Variants in GALNT2 observed in about 807,000 individuals in gnomAD.
GALNT2 encodes the protein polypeptide N-acetylgalactosaminyltransferase 2.
GALNT2 carries 31 observed loss-of-function variants against 81.4 expected under a neutral mutation model. The observed-to-expected ratio is 0.38, with a 90% CI of 0.29 to 0.51. GALNT2 has a LOEUF of 0.51. Among genes scored for constraint, GALNT2 ranks in the 20% least tolerant of loss-of-function variants. The pLI is 0.87. For missense variants in GALNT2, 629 were observed against 765.7 expected, an observed-to-expected ratio of 0.82 and a Z score of 2.11; for synonymous variants, 303 against 287.4, an observed-to-expected ratio of 1.05 and a Z score of -0.55.
At position 230,268,801 on chromosome 1, in the gene GALNT2, T is replaced by C. The variant is rs889016825; in HGVS notation, c.1440+3434T>C. Among the ~76,000 whole-genome samples the C allele has an allele frequency of 4.6e-5, 7 of 152,286 alleles. No homozygotes were observed. In the South Asian group the frequency reaches 6.2e-4, roughly 14 times the overall value. On this transcript the variant is annotated intron_variant, in intron 14 of 15. Coordinates refer to ENST00000366672, the MANE Select transcript of GALNT2 (RefSeq NM_004481.5). ...AGCCTGTGTCCCGCCTTCAGGGCTG[T>C]GGCCCTCACCCCCCGGTCCTGCCCA...
Position 230,280,230 on chromosome 1 carries a change from G to A in GALNT2, c.*772G>A, listed in dbSNP as rs994456903. On this transcript the variant is annotated 3_prime_UTR_variant, in exon 16 of 16. Coordinates refer to ENST00000366672, the MANE Select transcript of GALNT2 (RefSeq NM_004481.5). ...AGGTGGCCTTTGTCCCCTGGAGCCC[G>A]ATCAGCCAGTTGGTGCTACTGCTGT... 12 of 346,210 alleles carry A rather than the reference G, an allele frequency of 3.5e-5. No individual in the cohort carries two copies. Among genetic ancestry groups the A allele is most frequent in the Non-Finnish European group, 5.1e-5 (9 of 175,500 alleles). 21.4% of individuals were successfully genotyped at this position (346,210 alleles called of 1,614,324 possible). A position where few individuals can be genotyped will look rare whatever the true frequency, so the allele number is the denominator to read the frequency against.
intron 1 of GALNT2, among the ~76,000 whole-genome samples, chr1:230,100,545 C>T (rs964694114): frequency 2.0e-4 from 30 of 152,222 alleles, no homozygotes; most frequent in Middle Eastern, 6.8e-3. Context: ...AGGCTGGTCT[C>T]GAACTCGCCA....
chr1:230,189,786 G>A (rs920630792), intron 2 of GALNT2, among the ~76,000 whole-genome samples: 4 of 152,218 alleles, frequency 2.6e-5, no homozygotes, highest in Non-Finnish European at 5.9e-5. Context: ...AATGGAAACT[G>A]TACCCATGTA....
chr1:230,144,571 G>A (rs1464066750), intron 1 of GALNT2, among the ~76,000 whole-genome samples: 6 of 152,138 alleles, frequency 3.9e-5, no homozygotes, highest in African/African-American at 1.2e-4. Context: ...AACAATAGAC[G>A]CTGTATACTC....
At chr1:230,068,675 A>G (rs1659282790) in intron 1 of GALNT2, among the ~76,000 whole-genome samples, 1 of 152,112 alleles carries the variant, frequency 6.6e-6, no homozygotes, top group African/African-American at 2.4e-5. Context: ...TCATTCATTC[A>G]TTCATAGCCG....
intron 1 of GALNT2, among the ~76,000 whole-genome samples, chr1:230,166,126 A>AT (rs1303407196): frequency 9.4e-5 from 8 of 84,730 alleles, no homozygotes; most frequent in Non-Finnish European, 3.0e-4. Flanking sequence ...TTTGTAATTA[A>AT]TAAAAAAAAA....
In GALNT2 at chr1:230,106,129, G is replaced by A. The variant is rs370250174; in HGVS notation, c.126+38723G>A. 4.6e-5 allele frequency among the ~76,000 whole-genome samples: 7 copies of A among 152,232 alleles called. No individual in the cohort carries two copies. The East Asian group carries it at 9.6e-4, about 21-fold the overall frequency. On this transcript the variant is annotated intron_variant, in intron 1 of 15. Transcript: ENST00000366672. Reference sequence around the variant, plus strand: ...AACTCTTTTTGCTCATGGCCGTGCAGTGCAGAATTTCCAGGCATTGTCCGC... The same window carrying A: ...AACTCTTTTTGCTCATGGCCGTGCAATGCAGAATTTCCAGGCATTGTCCGC...
intron 1 of GALNT2, among the ~76,000 whole-genome samples, chr1:230,073,926 T>C (rs1400289565): frequency 6.6e-6 from 1 of 152,120 alleles, no homozygotes; most frequent in Non-Finnish European, 1.5e-5. Context: ...CTGGCAGTTT[T>C]CTGTCCCTAA....
chr1:230,153,099 T>A (rs553056694), intron 1 of GALNT2, among the ~76,000 whole-genome samples: 26 of 152,358 alleles, frequency 1.7e-4, no homozygotes, highest in African/African-American at 5.5e-4. Context: ...GGTCTTACCG[T>A]GTTGTCCAGG....
Position 230,274,495 on chromosome 1 carries a change from T to G in GALNT2, c.1491T>G (p.Leu497=). The change falls in exon 15 of 16, where the codon CTT becomes CTG. Residue 497 remains leucine (L), a synonymous_variant. Transcript: ENST00000366672. ...CGGTGAAGCACATGGATTTGTGCCT[T>G]ACTGTGGTGGACCGGGCACCGGGCT... The part of the protein sequence containing the change: ...EKSVKHMDLC[L]TVVDRAPGSL... The G allele has an allele frequency of 6.2e-7, 1 of 1,613,998 alleles. No individual in the cohort carries two copies. The highest frequency in any genetic ancestry group is 1.3e-5 in the African/African-American group (1 of 75,042).
chr1:230,115,006 C>CTTTTT lies in GALNT2; in HGVS notation c.126+47613_126+47617dup, dbSNP rs10666711. Among the ~76,000 whole-genome samples, 993 of 129,300 alleles carry CTTTTT rather than the reference C, an allele frequency of 7.7e-3. 18 individuals are homozygous for CTTTTT. Among genetic ancestry groups the CTTTTT allele is most frequent in the East Asian group, 0.019 (84 of 4,434 alleles). 84.8% of individuals were successfully genotyped at this position (129,300 alleles called of 152,430 possible). A position where few individuals can be genotyped will look rare whatever the true frequency, so the allele number is the denominator to read the frequency against. Reference sequence around the variant, plus strand: ...TCCACAGCTTACATTAGGGTTCACTCTTTTTTTTTTTTTTTTTAAGATGGA... The same window carrying CTTTTT: ...TCCACAGCTTACATTAGGGTTCACTCTTTTTTTTTTTTTTTTTTTTTTAAGATGGA... On this transcript the variant is annotated intron_variant, in intron 1 of 15. Coordinates refer to ENST00000366672, the MANE Select transcript of GALNT2 (RefSeq NM_004481.5).
chr1:230,246,225 G>A, intron 8 of GALNT2, 75 bp downstream of exon 8: 1 of 1,122,424 alleles, frequency 8.9e-7, no homozygotes, highest in South Asian at 1.2e-5. Flanking sequence ...CCCTCTCATT[G>A]TCAGGAGTGA....
chr1:230,204,415 C>G (rs552273822), intron 3 of GALNT2, among the ~76,000 whole-genome samples: 60 of 152,226 alleles, frequency 3.9e-4, no homozygotes, highest in Admixed American at 3.6e-3. Flanking sequence ...GTGATCCGCC[C>G]GCCTCGGCCT....
intron 1 of GALNT2, among the ~76,000 whole-genome samples, chr1:230,086,817 G>A (rs1306167600): frequency 6.6e-6 from 1 of 152,184 alleles, no homozygotes; most frequent in East Asian, 1.9e-4. Flanking sequence ...CACTAAGAGT[G>A]CTCTAGAAAG....
intron 2 of GALNT2, among the ~76,000 whole-genome samples, chr1:230,180,420 A>G (rs952747788): frequency 2.0e-4 from 30 of 149,524 alleles, no homozygotes; most frequent in African/African-American, 7.4e-5. Flanking sequence ...TCAGTTGGCA[A>G]TATTCGTATG....
chr1:230,067,244 G>GAGC lies in GALNT2; in HGVS notation c.-33_-31dup. 1 of 1,245,464 alleles carries GAGC rather than the reference G, an allele frequency of 8.0e-7. No homozygotes were observed. The highest frequency in any genetic ancestry group is 1.0e-6 in the Non-Finnish European group (1 of 986,910). 77.2% of individuals were successfully genotyped at this position (1,245,464 alleles called of 1,614,324 possible). On this transcript the variant is annotated 5_prime_UTR_variant, in exon 1 of 16. Transcript: ENST00000366672. ...CGCGGCCGGCCCAGGCAGCACTCGC[G>GAGC]AGCAGCGGCGGCCCCGCCGGCGGCC...
intron 15 of GALNT2, among the ~76,000 whole-genome samples, chr1:230,276,709 T>C (rs1450036810): frequency 6.6e-6 from 1 of 152,242 alleles, no homozygotes; most frequent in African/African-American, 2.4e-5. Context: ...TCTAGGGTTC[T>C]GCTCACAATC....
At chr1:230,165,668 G>A (rs1022840809) in intron 1 of GALNT2, among the ~76,000 whole-genome samples, 1 of 152,262 alleles carries the variant, frequency 6.6e-6, no homozygotes, top group African/African-American at 2.4e-5. Flanking sequence ...TATGGAGAAT[G>A]TCCCAGCTGT....
chr1:230,073,633 C>G (rs1377567720), intron 1 of GALNT2, among the ~76,000 whole-genome samples: 1 of 152,228 alleles, frequency 6.6e-6, no homozygotes, highest in Non-Finnish European at 1.5e-5. Context: ...TAAACAAAAA[C>G]TGTCACATAG....
Sources: gnomAD v4.1 joint callset for allele counts (sites outside exome capture counted in the v4.1 genomes callset) on GRCh38, gnomAD v4.1.1 for gene constraint, MANE v1.5 for transcripts, NCBI Gene and HGNC (gene_info 2026-07-23, HGNC 2026-07-21) for gene names.